The following BIRC6 variants were observed in gnomAD, a reference collection of about 807,000 sequenced individuals.
BIRC6 encodes the protein dual E2 ubiquitin-conjugating enzyme/E3 ubiquitin-protein ligase BIRC6.
In BIRC6, 98 loss-of-function variants were observed where a neutral mutation model predicts 503.3. That is an observed-to-expected ratio of 0.19 (90% CI 0.17 to 0.23). The LOEUF (loss-of-function observed/expected upper bound fraction) is 0.23. BIRC6 is among the 10% of genes least tolerant of loss of function. The pLI is 1.00. For synonymous variants in BIRC6, 2,240 were observed against 2,078.7 expected, an observed-to-expected ratio of 1.08 and a Z score of -2.11; for missense variants, 5,360 against 5,806.0, an observed-to-expected ratio of 0.92 and a Z score of 2.50.
intron 50 of BIRC6, among the ~76,000 whole-genome samples, chr2:32,505,954 C>T (rs1172529124): frequency 6.6e-6 from 1 of 151,162 alleles, no homozygotes; most frequent in Non-Finnish European, 1.5e-5. Flanking sequence ...TCAAATGATC[C>T]TCTCATCTCA....
At chr2:32,480,903 G>A (rs1225115961) in intron 37 of BIRC6, among the ~76,000 whole-genome samples, 1 of 152,074 alleles carries the variant, frequency 6.6e-6, no homozygotes, top group East Asian at 1.9e-4. Flanking sequence ...GCCTCCCAAA[G>A]TGCTGGGATT....
rs559413726 is a variant in BIRC6 at position 32,439,852 on chromosome 2, G to T, written c.3810+166G>T. The stretch of plus-strand genomic sequence containing the variant: ...CTTAAATATATTTGGGAAGAAGAAT[G>T]TTTGAGTTAACTTTATTATTTCATT... On this transcript the variant is annotated intron_variant, in intron 16 of 73. Transcript: ENST00000421745. 5.3e-4 allele frequency among the ~76,000 whole-genome samples: 80 copies of T among 152,282 alleles called. 1 individual carries two copies. The highest frequency in any genetic ancestry group is 1.9e-3 in the African/African-American group (77 of 41,558).
At chr2:32,534,730 CAAAAAAAAAAAA>C (rs770672789) in intron 61 of BIRC6, among the ~76,000 whole-genome samples, 10 of 22,320 alleles carry the variant, frequency 4.5e-4, no homozygotes, top group East Asian at 2.7e-3. Flanking sequence ...GACTCTGTCT[CAAAAAAAAAAAA>C]AAAAAAAAAA....
chr2:32,531,163 A>G (rs994791518), intron 60 of BIRC6, among the ~76,000 whole-genome samples, 192 bp from the exon 61 acceptor site: 5 of 152,206 alleles, frequency 3.3e-5, no homozygotes, highest in East Asian at 3.8e-4. Flanking sequence ...ACAAGACTAA[A>G]GAAGGCAGTA....
rs2045713224 is a variant in BIRC6, at chr2:32,444,066, CTG to C, written c.4336+481_4336+482del. 6.4e-5 allele frequency among the ~76,000 whole-genome samples: 9 copies of C among 141,606 alleles called. 1 individual carries two copies. The South Asian group carries it at 1.9e-3, about 29-fold the overall frequency. The allele number at this position is 141,606 out of a possible 152,430, so 92.9% of individuals were successfully genotyped here. Reference sequence around the variant, plus strand: ...TTTTTTTTTAAAGCACCTGAGGACTCTGTGGAAATGCCTTTCAAGAATGAATG... The same window carrying C: ...TTTTTTTTTAAAGCACCTGAGGACTCTGGAAATGCCTTTCAAGAATGAATG... On this transcript the variant is annotated intron_variant, in intron 20 of 73. Coordinates refer to ENST00000421745, the MANE Select transcript of BIRC6 (RefSeq NM_016252.4).
chr2:32,389,882 A>C (rs2038987388), intron 4 of BIRC6, among the ~76,000 whole-genome samples: 1 of 145,832 alleles, frequency 6.9e-6, no homozygotes, highest in Non-Finnish European at 1.5e-5. Context: ...TTTTTTTGAG[A>C]TAGAGTTTCG....
chr2:32,548,136 T>C (rs2058177227), intron 64 of BIRC6, 122 bp downstream of exon 64: 1 of 790,610 alleles, frequency 1.3e-6, no homozygotes, highest in Admixed American at 3.6e-5. Flanking sequence ...TGGTCCTTCT[T>C]CCCAGTGCAT....
intron 44 of BIRC6, among the ~76,000 whole-genome samples, chr2:32,492,680 AAAAG>A (rs1455782829): frequency 6.6e-6 from 1 of 152,106 alleles, no homozygotes; most frequent in Non-Finnish European, 1.5e-5. Flanking sequence ...GTTTTTGAAT[AAAAG>A]AAAGGAGGAA....
chr2:32,611,412 A>C, intron 72 of BIRC6, 36 bp from the exon 73 acceptor site: 2 of 1,563,828 alleles, frequency 1.3e-6, no homozygotes, highest in Non-Finnish European at 1.7e-6. Context: ...ATTTGACTGT[A>C]AACACTGCTT....
At chr2:32,446,331 T>C (rs555420247) in intron 21 of BIRC6, among the ~76,000 whole-genome samples, 3 of 152,336 alleles carry the variant, frequency 2.0e-5, no homozygotes, top group African/African-American at 7.2e-5. Context: ...ATAACTAGTA[T>C]TCTTCTACCT....
intron 27 of BIRC6, 30 bp downstream of exon 27, chr2:32,467,769 C>G: frequency 1.3e-6 from 2 of 1,563,272 alleles, no homozygotes; most frequent in Non-Finnish European, 1.7e-6. Context: ...TAAATTGATA[C>G]GCTTTCTATG....
At chr2:32,420,660 C>T (rs1206472847) in intron 10 of BIRC6, among the ~76,000 whole-genome samples, 4 of 151,924 alleles carry the variant, frequency 2.6e-5, no homozygotes, top group African/African-American at 7.2e-5. Context: ...ACTACAGGTA[C>T]ACCACCATGC....
chr2:32,415,319 G>A lies in BIRC6; in HGVS notation c.2028G>A (p.Glu676=), dbSNP rs1196003908. ...QIIEMELDSQ[E]QLLLQDPPVT... ...TTGAAATGGAGCTGGATAGTCAGGA[G>A]CAGTTGTTATTGCAGGATCCTCCTG... Residue 676 remains glutamate (E), a synonymous_variant, in exon 10 of 74, where the codon GAG becomes GAA. Transcript: ENST00000421745. 1 of 1,614,014 alleles carries A rather than the reference G, an allele frequency of 6.2e-7. No homozygotes were observed.
chr2:32,519,161 C>G (rs1417006224), intron 57 of BIRC6: 13 of 436,124 alleles, frequency 3.0e-5, no homozygotes. Context: ...TTTATTGTGT[C>G]ACAGTGAGAA....
intron 65 of BIRC6, among the ~76,000 whole-genome samples, chr2:32,556,217 A>G (rs951500092): frequency 1.3e-5 from 2 of 152,214 alleles, no homozygotes; most frequent in Non-Finnish European, 2.9e-5. Flanking sequence ...GGTATAGAAT[A>G]TATGACTCTG....
intron 10 of BIRC6, among the ~76,000 whole-genome samples, chr2:32,423,984 A>G (rs1226206082): frequency 1.3e-5 from 2 of 152,170 alleles, no homozygotes. Flanking sequence ...ATGGCCCTAA[A>G]GTTCAAGAAT....
At chr2:32,360,627 G>A (rs370922584) in intron 1 of BIRC6, among the ~76,000 whole-genome samples, 1 of 152,138 alleles carries the variant, frequency 6.6e-6, no homozygotes, top group Admixed American at 6.6e-5. Context: ...GACCTAGAGC[G>A]TATCTTAACT....
chr2:32,436,266 AT>A (rs1344789880), intron 15 of BIRC6, 82 bp downstream of exon 15: 1 of 1,195,962 alleles, frequency 8.4e-7, no homozygotes, highest in Middle Eastern at 2.2e-4. Flanking sequence ...CTCAAAAAAA[AT>A]AAGATTGTTT....
intron 61 of BIRC6, chr2:32,532,015 G>A (rs886749805): frequency 2.1e-6 from 1 of 471,556 alleles, no homozygotes; most frequent in Admixed American, 2.2e-5. Context: ...AGCTGTCAAT[G>A]TCTGTGCTTT....
Sources: allele counts gnomAD v4.1 joint callset (sites outside exome capture counted in the v4.1 genomes callset), GRCh38; gene constraint gnomAD v4.1.1; transcripts MANE v1.5; gene names NCBI Gene and HGNC (gene_info 2026-07-23, HGNC 2026-07-21).